The following ANKRD45 variants were observed in gnomAD, a reference collection of about 807,000 sequenced individuals.
The protein encoded by ANKRD45 is ankyrin repeat domain 45, also known as ankyrin repeat domain-containing protein 45.
Under a neutral mutation model 28.1 loss-of-function variants are expected in ANKRD45, and 21 were observed. That is an observed-to-expected ratio of 0.75 (90% CI 0.53 to 1.08). ANKRD45 has a LOEUF of 1.08. Ranked by LOEUF, ANKRD45 falls within the 50% of genes least tolerant of loss-of-function variation. The probability of loss-of-function intolerance (pLI) is 0.00; values close to 1 mark genes in which losing one functional copy is unlikely to be tolerated. For missense variants in ANKRD45, 261 were observed against 308.7 expected, an observed-to-expected ratio of 0.85 and a Z score of 1.16; for synonymous variants, 86 against 103.9, an observed-to-expected ratio of 0.83 and a Z score of 1.05.
the ANKRD45 span, among the ~76,000 whole-genome samples, chr1:173,689,561 T>G: frequency 2.0e-5 from 3 of 152,082 alleles, no homozygotes; most frequent in South Asian, 6.2e-4. Context: ...CAAATTGGAG[T>G]TTCAACATTC....
At chr1:173,714,603 T>C in the ANKRD45 span, among the ~76,000 whole-genome samples, 1 of 152,162 alleles carries the variant, frequency 6.6e-6, no homozygotes, top group East Asian at 1.9e-4. Flanking sequence ...AATAATTCAA[T>C]CCACAATTAG....
At chr1:173,675,415 C>A in the ANKRD45 span, 1 of 238,460 alleles carries the variant, frequency 4.2e-6, no homozygotes, top group Non-Finnish European at 8.6e-6. Context: ...GAGTCTGAGA[C>A]CAGCTTGGCC....
At chr1:173,669,253 G>GT (rs1272731148) in intron 1 of ANKRD45, among the ~76,000 whole-genome samples, 1 of 152,186 alleles carries the variant, frequency 6.6e-6, no homozygotes, top group Non-Finnish European at 1.5e-5. Context: ...ATAGTGAAGA[G>GT]TAGGAGTCTT....
At chr1:173,625,023 A>G in intron 4 of ANKRD45, 98 bp from the exon 5 acceptor site, 2 of 1,260,214 alleles carry the variant, frequency 1.6e-6, no homozygotes, top group Non-Finnish European at 2.2e-6. Context: ...ACTTTCTGTG[A>G]TGATAGAAAT....
the ANKRD45 span, among the ~76,000 whole-genome samples, chr1:173,682,684 T>TACGCACACACACACACACAC: frequency 2.8e-3 from 398 of 144,032 alleles, 2 homozygotes; most frequent in Non-Finnish European, 4.9e-3. Context: ...GCCTTTTAAA[T>TACGCACACACACACACACAC]ACACACACAC....
the ANKRD45 span, among the ~76,000 whole-genome samples, chr1:173,712,208 C>T: frequency 6.6e-6 from 1 of 152,164 alleles, no homozygotes; most frequent in South Asian, 2.1e-4. Context: ...TTATACCCAA[C>T]CAATTGGCAA....
At chr1:173,647,101 GT>G (rs1668971984) in intron 2 of ANKRD45, 88 bp from the exon 3 acceptor site, 1 of 1,293,806 alleles carries the variant, frequency 7.7e-7, no homozygotes, top group South Asian at 1.5e-5. Flanking sequence ...TGGTGATCAA[GT>G]ATTGAACAAT....
At chr1:173,645,010 AT>A (rs1668862999) in intron 3 of ANKRD45, among the ~76,000 whole-genome samples, 2 of 145,860 alleles carry the variant, frequency 1.4e-5, no homozygotes, top group Admixed American at 6.9e-5. Context: ...AAAAAAAAAA[AT>A]TATGGAATGT....
chr1:173,713,170 A>G, the ANKRD45 span, among the ~76,000 whole-genome samples: 4 of 152,264 alleles, frequency 2.6e-5, no homozygotes, highest in Non-Finnish European at 4.4e-5. Context: ...AAAAATTTTC[A>G]ATAAGATCAC....
intron 3 of ANKRD45, among the ~76,000 whole-genome samples, chr1:173,644,993 C>CAAAAAAAA (rs34936839): frequency 7.6e-6 from 1 of 131,362 alleles, no homozygotes; most frequent in Non-Finnish European, 1.6e-5. Flanking sequence ...AACTCCATCT[C>CAAAAAAAA]AAAAAAAAAA....
At chr1:173,641,776 T>G (rs144874360) in intron 3 of ANKRD45, among the ~76,000 whole-genome samples, 1 of 152,208 alleles carries the variant, frequency 6.6e-6, no homozygotes, top group Admixed American at 6.5e-5. Context: ...TGGGGTCCCA[T>G]GAGGAGTGCC....
chr1:173,655,030 G>C (rs949574590), intron 2 of ANKRD45, among the ~76,000 whole-genome samples: 1 of 152,070 alleles, frequency 6.6e-6, no homozygotes, highest in African/African-American at 2.4e-5. Context: ...GCTTCCTTGC[G>C]ATGGGTTCAA....
rs140957363 is a variant in ANKRD45, at chr1:173,666,525, T to G, written c.-16+3292A>C. On this transcript the variant is annotated intron_variant, in intron 1 of 5. Coordinates refer to ENST00000333279, the MANE Select transcript of ANKRD45 (RefSeq NM_198493.3). ...TCTTCCCATATATGTTAAATCTAGA[T>G]TACTTATAATACCTAATACGATGTA... Among the ~76,000 whole-genome samples the G allele has an allele frequency of 7.2e-3, 1,100 of 152,256 alleles. 10 individuals are homozygous for G. Among genetic ancestry groups the G allele is most frequent in the African/African-American group, 0.025 (1,051 of 41,536 alleles).
the ANKRD45 span, among the ~76,000 whole-genome samples, chr1:173,712,056 C>T: frequency 2.0e-4 from 31 of 152,112 alleles, no homozygotes; most frequent in African/African-American, 5.3e-4. Flanking sequence ...ATTCATATTA[C>T]GGAAAAAATA....
chr1:173,685,721 T>G, the ANKRD45 span, among the ~76,000 whole-genome samples: 1 of 152,028 alleles, frequency 6.6e-6, no homozygotes, highest in Admixed American at 6.6e-5. Context: ...TAGAGGAAGT[T>G]GCAGGGGGTG....
At chr1:173,672,458 C>A (rs1002176370), upstream of ANKRD45, among the ~76,000 whole-genome samples, 8 of 152,144 alleles carry the variant, frequency 5.3e-5, no homozygotes, top group African/African-American at 1.9e-4. Context: ...CAAAACTGTA[C>A]ATGATTCTGT....
chr1:173,662,548 T>A (rs1415528343), intron 1 of ANKRD45, among the ~76,000 whole-genome samples: 1 of 152,112 alleles, frequency 6.6e-6, no homozygotes, highest in Non-Finnish European at 1.5e-5. Context: ...AAAATATAGA[T>A]CCAACCTCTT....
the ANKRD45 span, among the ~76,000 whole-genome samples, chr1:173,685,147 G>A: frequency 6.6e-6 from 1 of 152,202 alleles, no homozygotes; most frequent in South Asian, 2.1e-4. Context: ...TTGGGAGAGT[G>A]TCCAGTAAAG....
intron 2 of ANKRD45, among the ~76,000 whole-genome samples, chr1:173,656,377 C>G (rs1258414694): frequency 6.6e-6 from 1 of 152,128 alleles, no homozygotes. Context: ...GGATATTGGT[C>G]TTATGTTCAT....
Sources: allele counts gnomAD v4.1 joint callset (sites outside exome capture counted in the v4.1 genomes callset), GRCh38; gene constraint gnomAD v4.1.1; transcripts MANE v1.5; gene names NCBI Gene and HGNC (gene_info 2026-07-23, HGNC 2026-07-21).